Variants in CLVS1 observed in about 807,000 individuals in gnomAD.
CLVS1 encodes the protein clavesin 1.
Under a neutral mutation model 33.1 loss-of-function variants are expected in CLVS1, and 10 were observed. The observed-to-expected ratio is 0.30, with a 90% CI of 0.19 to 0.51. CLVS1 has a LOEUF of 0.51. CLVS1 is among the 20% of genes least tolerant of loss of function. The pLI is 0.97. For missense variants in CLVS1, 343 were observed against 433.4 expected, an observed-to-expected ratio of 0.79 and a Z score of 1.85; for synonymous variants, 163 against 166.1, an observed-to-expected ratio of 0.98 and a Z score of 0.14.
rs556847939 is a variant in CLVS1 at position 61,096,300 on chromosome 8, C to T, written c.-242-35470C>T. Among the ~76,000 whole-genome samples the T allele has an allele frequency of 7.2e-5, 11 of 152,322 alleles. No individual in the cohort carries two copies. In the South Asian group the frequency reaches 2.3e-3, roughly 32 times the overall value. On this transcript the variant is annotated intron_variant, in intron 1 of 2. Transcript: ENST00000522621. ...CCACCTACAGGAGAGAGTGGGTTTG[C>T]GCAAGGGCGACTGCATCCTCTGGTC...
At chr8:61,052,643 C>A (rs1804404259), upstream of CLVS1, among the ~76,000 whole-genome samples, 1 of 152,100 alleles carries the variant, frequency 6.6e-6, no homozygotes, top group Non-Finnish European at 1.5e-5. Flanking sequence ...ACCAGGAAGC[C>A]CATGTGACCT....
intron 1 of CLVS1, among the ~76,000 whole-genome samples, chr8:61,065,826 C>A (rs1224161487): frequency 6.6e-6 from 1 of 152,042 alleles, no homozygotes; most frequent in Non-Finnish European, 1.5e-5. Flanking sequence ...TTGTGTAGTG[C>A]AAAGCTTTTT....
At chr8:61,478,984 C>T (rs1183276571) in intron 5 of CLVS1, among the ~76,000 whole-genome samples, 4 of 152,164 alleles carry the variant, frequency 2.6e-5, no homozygotes, top group East Asian at 1.9e-4. Flanking sequence ...TTGTGGGTAA[C>T]CCAACCTTTC....
intron 3 of CLVS1, among the ~76,000 whole-genome samples, chr8:61,437,211 C>T (rs547189408): frequency 6.6e-6 from 1 of 152,284 alleles, no homozygotes; most frequent in South Asian, 2.1e-4. Flanking sequence ...GTGGTGACAA[C>T]TTGTAATCCC....
In CLVS1 at chr8:61,338,333, T is replaced by C. The variant is rs527841140; in HGVS notation, c.455+38051T>C. 8.1e-4 allele frequency among the ~76,000 whole-genome samples: 124 copies of C among 152,332 alleles called. 1 individual carries two copies. The highest frequency in any genetic ancestry group is 2.5e-3 in the South Asian group (12 of 4,832). ...GCATTTACCATTTCAGATATTGTAA[T>C]AGGCACTTTTAAATTGACCAGTAAT... On this transcript the variant is annotated intron_variant, in intron 2 of 5. Transcript: ENST00000325897.
chr8:61,033,121 A>AGGAAG, the CLVS1 span, among the ~76,000 whole-genome samples: 25 of 43,324 alleles, frequency 5.8e-4, 3 homozygotes, highest in East Asian at 1.5e-3. Flanking sequence ...GAAGGAAGGA[A>AGGAAG]GAAAGGAAAG....
At chr8:61,308,974 G>A (rs939474929) in intron 2 of CLVS1, among the ~76,000 whole-genome samples, 1 of 152,214 alleles carries the variant, frequency 6.6e-6, no homozygotes, top group African/African-American at 2.4e-5. Flanking sequence ...AAGTGGCAAA[G>A]TAGCCCAAGG....
intron 3 of CLVS1, among the ~76,000 whole-genome samples, chr8:61,434,748 CAGAT>C (rs1420159155): frequency 6.6e-6 from 1 of 152,180 alleles, no homozygotes; most frequent in Non-Finnish European, 1.5e-5. Flanking sequence ...AGGAATCTCT[CAGAT>C]AGCAGACTTC....
At chr8:61,161,463 A>G (rs1806748434) in intron 2 of CLVS1, among the ~76,000 whole-genome samples, 1 of 152,222 alleles carries the variant, frequency 6.6e-6, no homozygotes, top group African/African-American at 2.4e-5. Context: ...AATACTATTC[A>G]GCCTTAAAAA....
intron 3 of CLVS1, among the ~76,000 whole-genome samples, chr8:61,416,403 T>G (rs1202043109): frequency 4.3e-4 from 65 of 152,238 alleles, no homozygotes; most frequent in Middle Eastern, 6.8e-3. Flanking sequence ...GGGAAAATAA[T>G]GAATTTTGTA....
chr8:61,340,761 T>G (rs1812002342), intron 2 of CLVS1, among the ~76,000 whole-genome samples: 1 of 152,232 alleles, frequency 6.6e-6, no homozygotes, highest in African/African-American at 2.4e-5. Context: ...ACCCTCCATA[T>G]TGTTTTCCAT....
At chr8:61,298,773 G>A (rs755101268) in intron 1 of CLVS1, among the ~76,000 whole-genome samples, 9 of 152,166 alleles carry the variant, frequency 5.9e-5, no homozygotes, top group Non-Finnish European at 1.0e-4. Context: ...GATGGAAACA[G>A]TATGGGTGTT....
chr8:61,360,841 G>A (rs1375927282), intron 2 of CLVS1, among the ~76,000 whole-genome samples: 1 of 152,166 alleles, frequency 6.6e-6, no homozygotes, highest in Non-Finnish European at 1.5e-5. Flanking sequence ...TTTTCTCTAA[G>A]AGATGTTGTA....
chr8:60,974,720 A>T, the CLVS1 span, among the ~76,000 whole-genome samples: 3 of 151,876 alleles, frequency 2.0e-5, no homozygotes, highest in Admixed American at 2.0e-4. Context: ...CGGAGCTTGC[A>T]GTGAGCCGAG....
At chr8:61,132,565 C>G (rs972460918) in intron 2 of CLVS1, among the ~76,000 whole-genome samples, 1 of 152,190 alleles carries the variant, frequency 6.6e-6, no homozygotes, top group Admixed American at 6.5e-5. Flanking sequence ...GTCTTTTGTC[C>G]TTCTTTCCAT....
chr8:61,338,283 A>G (rs1811879250), intron 2 of CLVS1, among the ~76,000 whole-genome samples: 1 of 152,228 alleles, frequency 6.6e-6, no homozygotes, highest in Non-Finnish European at 1.5e-5. Context: ...GAAAATGGAA[A>G]AAAAAAGAGG....
At chr8:61,457,969 C>T (rs1468575329) in intron 4 of CLVS1, among the ~76,000 whole-genome samples, 1 of 152,156 alleles carries the variant, frequency 6.6e-6, no homozygotes. Context: ...GTCTGGAGAT[C>T]CAGCAATAGC....
chr8:60,998,839 G>A, the CLVS1 span, among the ~76,000 whole-genome samples: 1 of 152,314 alleles, frequency 6.6e-6, no homozygotes, highest in South Asian at 2.1e-4. Flanking sequence ...AGGTAAAGTG[G>A]CTTGGGCTGC....
At chr8:61,449,379 A>C (rs996665378) in intron 3 of CLVS1, among the ~76,000 whole-genome samples, 1 of 152,208 alleles carries the variant, frequency 6.6e-6, no homozygotes, top group Non-Finnish European at 1.5e-5. Context: ...TGACACTGCC[A>C]GTGTGAAATA....
Sources: gnomAD v4.1 joint callset for allele counts (sites outside exome capture counted in the v4.1 genomes callset) on GRCh38, gnomAD v4.1.1 for gene constraint, MANE v1.5 for transcripts, NCBI Gene and HGNC (gene_info 2026-07-23, HGNC 2026-07-21) for gene names.